PACS1: variants seen among roughly 807,000 people sequenced by gnomAD.
The protein encoded by PACS1 is phosphofurin acidic cluster sorting protein 1.
PACS1 carries 24 observed loss-of-function variants against 115.0 expected under a neutral mutation model. The ratio of observed to expected loss-of-function variants is 0.21; its 90% CI spans 0.15 to 0.29. The LOEUF (loss-of-function observed/expected upper bound fraction) is 0.29. Ranked by LOEUF, PACS1 falls within the 10% of genes least tolerant of loss-of-function variation. The pLI, the probability that PACS1 is intolerant of heterozygous loss-of-function variation, is 1.00. For synonymous variants in PACS1, 453 were observed against 504.5 expected, an observed-to-expected ratio of 0.90 and a Z score of 1.37; for missense variants, 838 against 1,251.2, an observed-to-expected ratio of 0.67 and a Z score of 4.98.
chr11:66,221,129 A>AC (rs770955913), intron 9 of PACS1, 25 bp from the exon 10 acceptor site: 10 of 1,595,742 alleles, frequency 6.3e-6, no homozygotes, highest in Non-Finnish European at 8.6e-6. Context: ...GGCAGCACTG[A>AC]CCCTGGCTGT....
intron 1 of PACS1, among the ~76,000 whole-genome samples, chr11:66,135,966 C>T (rs1590769252): frequency 6.6e-6 from 1 of 152,130 alleles, no homozygotes; most frequent in East Asian, 1.9e-4. Flanking sequence ...CTCCTGCGCT[C>T]CTCTTAACGT....
chr11:66,131,752 A>C (rs1235437348), intron 1 of PACS1, among the ~76,000 whole-genome samples: 3 of 150,270 alleles, frequency 2.0e-5, no homozygotes, highest in African/African-American at 4.9e-5. Flanking sequence ...ACATAGCAAG[A>C]CTCCATCTCT....
chr11:66,092,211 A>G (rs1336940101), intron 1 of PACS1, among the ~76,000 whole-genome samples: 1 of 152,070 alleles, frequency 6.6e-6, no homozygotes, highest in Non-Finnish European at 1.5e-5. Flanking sequence ...AATGATTGCC[A>G]TTCTAACTGG....
At chr11:66,186,870 G>T (rs754986865) in intron 1 of PACS1, among the ~76,000 whole-genome samples, 22 of 152,262 alleles carry the variant, frequency 1.4e-4, no homozygotes, top group South Asian at 2.1e-4. Flanking sequence ...CGTTGCCGTT[G>T]TTGGCCAGAG....
rs1441019259 is a variant in PACS1, at chr11:66,070,680, C to T, written c.194C>T (p.Ala65Val). Residue 65 changes from alanine (A) to valine (V), a missense_variant, in exon 1 of 24, where the codon GCC becomes GTC. Physicochemically the swap from Ala to Val is moderately conservative, Grantham distance 64. Transcript: ENST00000320580. The surrounding 1 kb of genome is among the most constrained non-coding windows in gnomAD (Gnocchi z 5.9). ...SSSSSTSAAA[A>V]SSSSSSTSTS... ...TCCTCGTCCACCTCGGCGGCGGCTG[C>T]CTCCTCCTCGTCCTCGTCTACCTCC... 2.5e-6 allele frequency: 4 copies of T among 1,576,264 alleles called. No individual in the cohort carries two copies. Among genetic ancestry groups the T allele is most frequent in the South Asian group, 2.3e-5 (2 of 88,300 alleles).
At chr11:66,227,803 A>C (rs959947444) in intron 11 of PACS1, among the ~76,000 whole-genome samples, 1 of 152,166 alleles carries the variant, frequency 6.6e-6, no homozygotes, top group African/African-American at 2.4e-5. Flanking sequence ...TATACCAGAA[A>C]TGTCCTCATT....
Position 66,216,580 on chromosome 11 carries a change from A to G in PACS1, c.866A>G (p.Gln289Arg), listed in dbSNP as rs575469363. 1 of 1,614,092 alleles carries G rather than the reference A, an allele frequency of 6.2e-7. No homozygotes were observed. Among genetic ancestry groups the G allele is most frequent in the Admixed American group, 1.7e-5 (1 of 60,026 alleles). ...GAGGAAGAGAGTTTCTCATCAGAAC[A>G]GGAAGGCAGTGATGATCCATTGCAT... ...EEEEESFSSEQEGSDDPLHGQ... is the reference protein window; with the variant it reads ...EEEEESFSSEREGSDDPLHGQ... Residue 289 changes from glutamine to arginine, a missense_variant, in exon 6 of 24, where the codon CAG becomes CGG. By Grantham distance (43) the Gln-to-Arg change is conservative. Coordinates refer to ENST00000320580, the MANE Select transcript of PACS1 (RefSeq NM_018026.4).
intron 1 of PACS1, among the ~76,000 whole-genome samples, chr11:66,122,011 G>A (rs1348192618): frequency 1.3e-5 from 2 of 152,144 alleles, no homozygotes; most frequent in South Asian, 4.2e-4. Context: ...TGCCATCTAG[G>A]ACTTTCATAG....
At chr11:66,206,251 G>A (rs1854935212) in intron 2 of PACS1, among the ~76,000 whole-genome samples, 1 of 152,104 alleles carries the variant, frequency 6.6e-6, no homozygotes, top group Non-Finnish European at 1.5e-5. Flanking sequence ...AAATGGTTTT[G>A]CTTCTATACT....
chr11:66,239,679 C>T (rs1368134588), intron 21 of PACS1, among the ~76,000 whole-genome samples: 2 of 152,206 alleles, frequency 1.3e-5, no homozygotes, highest in Admixed American at 6.5e-5. Flanking sequence ...GTTATGGGAC[C>T]TCCCAGGTGT....
chr11:66,101,295 C>T (rs1192316094), intron 1 of PACS1, among the ~76,000 whole-genome samples: 1 of 152,148 alleles, frequency 6.6e-6, no homozygotes, highest in East Asian at 1.9e-4. Context: ...CAAGCTAACT[C>T]ATGTATGCGT....
chr11:66,233,966 G>T lies in PACS1; in HGVS notation c.1993+27G>T. ...TAAAGACGGGAGGCACCAGGAGGGCGTCGGGCATGAGGGTTCCATAGACAG... is the reference window on the plus strand; with the variant it reads ...TAAAGACGGGAGGCACCAGGAGGGCTTCGGGCATGAGGGTTCCATAGACAG... On this transcript the variant is annotated intron_variant, in intron 16 of 23. Transcript: ENST00000320580. This position sits in a 1 kb window ranked among gnomAD's most constrained non-coding sequence, Gnocchi z 4.5. The T allele has an allele frequency of 6.4e-7, 1 of 1,566,408 alleles. No individual in the cohort carries two copies. The highest frequency in any genetic ancestry group is 8.7e-7 in the Non-Finnish European group (1 of 1,153,160).
intron 1 of PACS1, among the ~76,000 whole-genome samples, chr11:66,189,487 T>C (rs1590807156): frequency 6.6e-6 from 1 of 152,252 alleles, no homozygotes; most frequent in Admixed American, 6.5e-5. Context: ...TTATATGTTA[T>C]GTAAGAGCCT....
At chr11:66,087,151 C>A (rs555067547) in intron 1 of PACS1, among the ~76,000 whole-genome samples, 1 of 152,068 alleles carries the variant, frequency 6.6e-6, no homozygotes, top group African/African-American at 2.4e-5. Flanking sequence ...CCAACGATAG[C>A]TAGTTTCCTA....
At chr11:66,082,349 C>G (rs1024645580) in intron 1 of PACS1, among the ~76,000 whole-genome samples, 2 of 152,072 alleles carry the variant, frequency 1.3e-5, no homozygotes, top group African/African-American at 4.8e-5. Flanking sequence ...CTCAGTCTTC[C>G]AAGTAAAGGT....
At chr11:66,222,655 C>T (rs1855376967) in intron 10 of PACS1, among the ~76,000 whole-genome samples, 1 of 152,178 alleles carries the variant, frequency 6.6e-6, no homozygotes, top group African/African-American at 2.4e-5. Flanking sequence ...GCTTTACTGG[C>T]AGATGAAGCC....
intron 8 of PACS1, 36 bp from the exon 9 acceptor site, chr11:66,220,595 A>T (rs1419169408): frequency 3.1e-6 from 5 of 1,612,612 alleles, no homozygotes; most frequent in Non-Finnish European, 2.5e-6. Context: ...GTTAATAGGG[A>T]TGACCCTAAA....
chr11:66,073,895 G>A (rs924730207), intron 1 of PACS1, among the ~76,000 whole-genome samples: 1 of 146,620 alleles, frequency 6.8e-6, no homozygotes, highest in Admixed American at 6.8e-5. Flanking sequence ...TGGGACTATA[G>A]GCATGTGACA....
At chr11:66,138,635 T>C (rs1186069584) in intron 1 of PACS1, among the ~76,000 whole-genome samples, 3 of 151,920 alleles carry the variant, frequency 2.0e-5, no homozygotes, top group Admixed American at 2.0e-4. Context: ...GGCTTACTGC[T>C]GATGAAGCTA....
Sources: gnomAD v4.1 joint callset for allele counts (sites outside exome capture counted in the v4.1 genomes callset) on GRCh38, gnomAD v4.1.1 for gene constraint, Gnocchi (gnomAD v3.1) non-coding constraint, MANE v1.5 for transcripts, NCBI Gene and HGNC (gene_info 2026-07-23, HGNC 2026-07-21) for gene names.